Variants in RPS6KC1 observed in about 807,000 individuals in gnomAD.
RPS6KC1 encodes inactive ribosomal protein S6 kinase delta-1.
In RPS6KC1, 54 loss-of-function variants were observed where a neutral mutation model predicts 103.8. The observed-to-expected ratio is 0.52, with a 90% CI of 0.42 to 0.65. RPS6KC1 has a LOEUF of 0.65. Among genes scored for constraint, RPS6KC1 ranks in the 30% least tolerant of loss-of-function variants. The probability of loss-of-function intolerance (pLI) is 0.00; values close to 1 mark genes in which losing one functional copy is unlikely to be tolerated. For synonymous variants in RPS6KC1, 439 were observed against 438.7 expected, an observed-to-expected ratio of 1.00 and a Z score of -0.01; for missense variants, 1,151 against 1,253.8, an observed-to-expected ratio of 0.92 and a Z score of 1.24.
chr1:213,059,982 A>G (rs1370299994), intron 1 of RPS6KC1, among the ~76,000 whole-genome samples: 4 of 151,672 alleles, frequency 2.6e-5, no homozygotes, highest in Non-Finnish European at 5.9e-5. Flanking sequence ...CACCCGGCTG[A>G]TTTTTTTGTA....
the RPS6KC1 span, among the ~76,000 whole-genome samples, chr1:213,522,343 T>C: frequency 1.3e-5 from 2 of 152,228 alleles, no homozygotes; most frequent in African/African-American, 4.8e-5. Context: ...ATCTAGTCTT[T>C]GTTGTTCCAC....
the RPS6KC1 span, among the ~76,000 whole-genome samples, chr1:213,417,796 G>T: frequency 6.6e-6 from 1 of 152,188 alleles, no homozygotes; most frequent in East Asian, 1.9e-4. Flanking sequence ...TCTTTATGCT[G>T]TCATAGAACA....
intron 4 of RPS6KC1, among the ~76,000 whole-genome samples, chr1:213,109,229 CG>C (rs1313713170): frequency 6.6e-6 from 1 of 152,114 alleles, no homozygotes; most frequent in Non-Finnish European, 1.5e-5. Flanking sequence ...CTCCACCTCC[CG>C]GGTTCATGCC....
the RPS6KC1 span, among the ~76,000 whole-genome samples, chr1:213,788,388 A>G: frequency 1.3e-5 from 2 of 152,278 alleles, no homozygotes; most frequent in South Asian, 2.1e-4. Context: ...CTTGTCATCT[A>G]CTTAGATGAC....
chr1:213,620,806 T>C, the RPS6KC1 span, among the ~76,000 whole-genome samples: 2 of 152,210 alleles, frequency 1.3e-5, no homozygotes, highest in Non-Finnish European at 1.5e-5. Flanking sequence ...CCAGCTGGTT[T>C]GACTCCACCA....
At chr1:213,175,341 C>CA (rs1273556449) in intron 7 of RPS6KC1, among the ~76,000 whole-genome samples, 3 of 152,180 alleles carry the variant, frequency 2.0e-5, no homozygotes, top group Non-Finnish European at 2.9e-5. Flanking sequence ...AATGGTATCT[C>CA]AATAATTCCC....
chr1:213,355,903 G>T, the RPS6KC1 span, among the ~76,000 whole-genome samples: 1,266 of 152,320 alleles, frequency 8.3e-3, 6 homozygotes, highest in South Asian at 0.029. Context: ...ATCTTGGACA[G>T]TTATTTAACC....
At chr1:213,319,747 G>A in the RPS6KC1 span, among the ~76,000 whole-genome samples, 8 of 152,148 alleles carry the variant, frequency 5.3e-5, no homozygotes, top group Admixed American at 1.3e-4. Context: ...GGAGCTATGC[G>A]TCTCCTAATT....
At chr1:213,218,290 A>G (rs1416468938) in intron 8 of RPS6KC1, among the ~76,000 whole-genome samples, 1 of 152,162 alleles carries the variant, frequency 6.6e-6, no homozygotes, top group Non-Finnish European at 1.5e-5. Context: ...AGAGATTAAA[A>G]TACCTAGGAA....
At chr1:213,361,417 T>C in the RPS6KC1 span, among the ~76,000 whole-genome samples, 59,832 of 151,984 alleles carry the variant, frequency 0.39, 13,358 homozygotes, top group African/African-American at 0.6. Context: ...AGCACAGTAT[T>C]AGGGTGTGAG....
At chr1:213,506,354 G>A in the RPS6KC1 span, among the ~76,000 whole-genome samples, 1 of 152,216 alleles carries the variant, frequency 6.6e-6, no homozygotes, top group African/African-American at 2.4e-5. Flanking sequence ...CATACCAGAT[G>A]AGATTAGTTA....
At chr1:213,169,510 TTTAA>T (rs1241324439) in intron 7 of RPS6KC1, among the ~76,000 whole-genome samples, 1 of 152,188 alleles carries the variant, frequency 6.6e-6, no homozygotes, top group African/African-American at 2.4e-5. Context: ...TCATTGTTCT[TTTAA>T]TTATATTAAA....
intron 1 of RPS6KC1, among the ~76,000 whole-genome samples, chr1:213,054,893 AAG>A (rs1269074028): frequency 2.0e-5 from 3 of 152,352 alleles, no homozygotes; most frequent in Middle Eastern, 3.4e-3. Context: ...ACACAAGTGT[AAG>A]AGAACCATCA....
chr1:213,594,193 T>G, the RPS6KC1 span, among the ~76,000 whole-genome samples: 2 of 152,194 alleles, frequency 1.3e-5, no homozygotes, highest in Non-Finnish European at 2.9e-5. Context: ...GTACTATTTC[T>G]TCCATTAAAC....
chr1:213,621,707 A>G, the RPS6KC1 span, among the ~76,000 whole-genome samples: 1 of 152,176 alleles, frequency 6.6e-6, no homozygotes, highest in African/African-American at 2.4e-5. Flanking sequence ...CCTAATGCAA[A>G]GTGAAAATGT....
chr1:213,559,137 T>C, the RPS6KC1 span, among the ~76,000 whole-genome samples: 3 of 152,204 alleles, frequency 2.0e-5, no homozygotes, highest in Non-Finnish European at 4.4e-5. Context: ...GGAAGTTGGA[T>C]GCCCTCTAGC....
At chr1:213,210,327 A>G (rs1405936909) in intron 8 of RPS6KC1, among the ~76,000 whole-genome samples, 1 of 152,252 alleles carries the variant, frequency 6.6e-6, no homozygotes, top group Non-Finnish European at 1.5e-5. Flanking sequence ...TTGACCAAGT[A>G]TACTTGTTGA....
chr1:213,354,265 C>G, the RPS6KC1 span, among the ~76,000 whole-genome samples: 1 of 152,222 alleles, frequency 6.6e-6, no homozygotes, highest in South Asian at 2.1e-4. Context: ...TGAGTGCTCA[C>G]TAACCTTGCT....
At chr1:213,474,092 C>G in the RPS6KC1 span, among the ~76,000 whole-genome samples, 1 of 152,192 alleles carries the variant, frequency 6.6e-6, no homozygotes, top group Non-Finnish European at 1.5e-5. Context: ...GATTTCCTCT[C>G]CCTTTGTTAT....
Sources: gnomAD v4.1 joint callset for allele counts (sites outside exome capture counted in the v4.1 genomes callset) on GRCh38, gnomAD v4.1.1 for gene constraint, MANE v1.5 for transcripts, NCBI Gene and HGNC (gene_info 2026-07-23, HGNC 2026-07-21) for gene names.